The following MLPH variants were observed in gnomAD, a reference collection of about 807,000 sequenced individuals.
The protein encoded by MLPH is melanophilin, also known as exophilin-3.
In MLPH, 51 loss-of-function variants were observed where a neutral mutation model predicts 72.1. That is an observed-to-expected ratio of 0.71 (90% CI 0.56 to 0.89). The LOEUF (loss-of-function observed/expected upper bound fraction) is 0.89, where lower values mean the gene tolerates loss of function less well. Ranked by LOEUF, MLPH falls within the 40% of genes least tolerant of loss-of-function variation. The pLI is 0.00. For missense variants in MLPH, 743 were observed against 759.9 expected (o/e 0.98, Z 0.26); for synonymous variants, 301 against 310.1 (o/e 0.97, Z 0.31).
chr2:237,496,102 G>T (rs1281802185), intron 2 of MLPH, among the ~76,000 whole-genome samples: 2 of 152,226 alleles, frequency 1.3e-5, no homozygotes, highest in Admixed American at 6.5e-5. Context: ...GTTCTCATTA[G>T]TAGAACCCCC....
chr2:237,496,870 G>T lies in MLPH; in HGVS notation c.110+3334G>T, dbSNP rs555332124. On this transcript the variant is annotated intron_variant, in intron 2 of 15. Coordinates refer to ENST00000264605, the MANE Select transcript of MLPH (RefSeq NM_024101.7). ...GTCGAGAATACTGAATGCCCAAGTG[G>T]CATTGCTATGATGGGTCTTACTATG... Among the ~76,000 whole-genome samples the T allele has an allele frequency of 4.7e-4, 71 of 152,350 alleles. No individual in the cohort carries two copies. In the South Asian group the frequency reaches 0.015, roughly 31 times the overall value.
At chr2:237,504,118 C>T (rs1374278357) in intron 2 of MLPH, among the ~76,000 whole-genome samples, 3 of 152,228 alleles carry the variant, frequency 2.0e-5, no homozygotes, top group East Asian at 1.9e-4. Flanking sequence ...ACAATCCTGC[C>T]GACACCTTGA....
Position 237,541,107 on chromosome 2 carries a change from T to G in MLPH, c.1446+150T>G. On this transcript the variant is annotated intron_variant, in intron 11 of 15. Coordinates refer to ENST00000264605, the MANE Select transcript of MLPH (RefSeq NM_024101.7). This position sits in a 1 kb window ranked among gnomAD's most constrained non-coding sequence, Gnocchi z 5.1. ...CATGCACGGCTCTGAAGGCCAGGCA[T>G]GAACCTGGGGGTTTCTGGGGGACTC... is the stretch of plus-strand genomic sequence containing the variant. The G allele has an allele frequency of 9.0e-7, 1 of 1,112,746 alleles. No individual in the cohort carries two copies. Among genetic ancestry groups the G allele is most frequent in the Non-Finnish European group, 1.3e-6 (1 of 753,598 alleles). The allele number at this position is 1,112,746 out of a possible 1,614,324, so 68.9% of individuals were successfully genotyped here.
chr2:237,533,425 C>T (rs1369926847), intron 8 of MLPH, among the ~76,000 whole-genome samples: 1 of 114,132 alleles, frequency 8.8e-6, no homozygotes, highest in Non-Finnish European at 1.7e-5. Context: ...CAGAGTCTTG[C>T]TCTTGACACC....
rs71887544 is a variant in MLPH, at chr2:237,510,900, CGTGTGTGTGTGTGT to C, written c.333-77_333-64del. 6.1e-6 allele frequency: 8 copies of C among 1,319,558 alleles called. No individual in the cohort carries two copies. Among genetic ancestry groups the C allele is most frequent in the Non-Finnish European group, 8.6e-6 (8 of 926,368 alleles). 81.7% of individuals were successfully genotyped at this position (1,319,558 alleles called of 1,614,324 possible). A position where few individuals can be genotyped will look rare whatever the true frequency, so the allele number is the denominator to read the frequency against. On this transcript the variant is annotated intron_variant, in intron 3 of 15. Coordinates refer to ENST00000264605, the MANE Select transcript of MLPH (RefSeq NM_024101.7). The surrounding 1 kb of genome is among the most constrained non-coding windows in gnomAD (Gnocchi z 4.4). The stretch of plus-strand genomic sequence containing the variant: ...GGGTGGACGCACACATGCACACACT[CGTGTGTGTGTGTGT>C]GTGTGTGTGTGAGATTTATGCAGGC...
chr2:237,540,743 T>C (rs927044992), intron 10 of MLPH, 59 bp from the exon 11 acceptor site: 1 of 1,600,862 alleles, frequency 6.2e-7, no homozygotes, highest in African/African-American at 1.3e-5. Flanking sequence ...AGTCCCCATC[T>C]GGGTGAAACC....
At chr2:237,530,805 G>A (rs2080404660) in intron 8 of MLPH, among the ~76,000 whole-genome samples, 1 of 152,222 alleles carries the variant, frequency 6.6e-6, no homozygotes, top group East Asian at 1.9e-4. Flanking sequence ...ATCAGGGAGT[G>A]ACTGGCTTGG....
chr2:237,540,268 C>G (rs960149317), intron 9 of MLPH, 80 bp from the exon 10 acceptor site: 1 of 1,512,980 alleles, frequency 6.6e-7, no homozygotes, highest in Admixed American at 1.8e-5. Context: ...TGGGCCCTGG[C>G]CCATCTCCCA....
At chr2:237,497,963 C>T (rs911306769) in intron 2 of MLPH, among the ~76,000 whole-genome samples, 17 of 152,186 alleles carry the variant, frequency 1.1e-4, no homozygotes, top group African/African-American at 3.6e-4. Context: ...ATTCAGGAGC[C>T]GCCCAGCAGT....
chr2:237,517,209 G>GGGTA (rs760966926), intron 4 of MLPH, among the ~76,000 whole-genome samples: 3 of 151,620 alleles, frequency 2.0e-5, no homozygotes, highest in Non-Finnish European at 4.4e-5. Context: ...AGTGGTGGGT[G>GGGTA]GATGGATAGA....
intron 12 of MLPH, chr2:237,545,728 T>C: frequency 9.0e-7 from 1 of 1,115,596 alleles, no homozygotes; most frequent in Non-Finnish European, 1.1e-6. Flanking sequence ...GGCAAAAGAA[T>C]GAAAGATGAC....
rs558202118 is a variant in MLPH, at chr2:237,524,416, A to G, written c.676-1185A>G. Among the ~76,000 whole-genome samples, 10 of 151,788 alleles carry G rather than the reference A, an allele frequency of 6.6e-5. No individual in the cohort carries two copies. In the South Asian group the frequency reaches 1.9e-3, roughly 28 times the overall value. On this transcript the variant is annotated intron_variant, in intron 6 of 15. Coordinates refer to ENST00000264605, the MANE Select transcript of MLPH (RefSeq NM_024101.7). The stretch of plus-strand genomic sequence containing the variant: ...GCAGGGAGAGCCAGTCGGAGTCCCA[A>G]ACTGAAGAACTTGGAGTCCGATGTT...
rs2080129872 is a variant in MLPH at position 237,519,535 on chromosome 2, CG to C, written c.556-374del. Among the ~76,000 whole-genome samples, 11 of 152,338 alleles carry C rather than the reference CG, an allele frequency of 7.2e-5. No homozygotes were observed. In the South Asian group the frequency reaches 2.3e-3, roughly 32 times the overall value. On this transcript the variant is annotated intron_variant, in intron 5 of 15. Coordinates refer to ENST00000264605, the MANE Select transcript of MLPH (RefSeq NM_024101.7). Reference sequence around the variant, plus strand: ...GCCCACCTCTGTCTCACTCAGCCATCGTGCCCCGGCTATCCGAAGCCCCAGG... The same window carrying C: ...GCCCACCTCTGTCTCACTCAGCCATCTGCCCCGGCTATCCGAAGCCCCAGG...
At chr2:237,507,495 A>T (rs1321818343) in intron 2 of MLPH, 1 of 152,164 alleles carries the variant, frequency 6.6e-6, no homozygotes, top group Non-Finnish European at 1.5e-5. Context: ...CCCCTGTGTG[A>T]TTTTTGTAAC....
rs1021778414 is a variant in MLPH at position 237,540,393 on chromosome 2, G to A, written c.1150G>A (p.Ala384Thr). The part of the protein sequence containing the change: ...VRTEADVEEE[A>T]LRRKLEELTS... ...CACGGAGGCCGATGTAGAGGAGGAG[G>A]CCCTGAGGAGGAAGCTGGAGGAGCT... Residue 384 changes from alanine to threonine, a missense_variant, in exon 10 of 16, where the codon GCC (alanine) becomes ACC (threonine). Ala to Thr is a moderately conservative substitution (Grantham distance 58). Coordinates refer to ENST00000264605, the MANE Select transcript of MLPH (RefSeq NM_024101.7). The A allele has an allele frequency of 6.2e-7, 1 of 1,613,560 alleles. No individual in the cohort carries two copies. The highest frequency in any genetic ancestry group is 2.2e-5 in the East Asian group (1 of 44,868).
chr2:237,546,126 T>A (rs149910494), intron 12 of MLPH, among the ~76,000 whole-genome samples: 1 of 152,222 alleles, frequency 6.6e-6, no homozygotes, highest in Non-Finnish European at 1.5e-5. Context: ...CTGGTTGTAG[T>A]AGATAAGAGA....
chr2:237,527,079 G>A (rs761151176), intron 7 of MLPH, among the ~76,000 whole-genome samples: 5 of 152,136 alleles, frequency 3.3e-5, no homozygotes, highest in African/African-American at 4.8e-5. Context: ...GGAATCTGGT[G>A]TTATTTGCAA....
chr2:237,527,661 A>C, intron 8 of MLPH, 145 bp downstream of exon 8: 1 of 1,008,470 alleles, frequency 9.9e-7, no homozygotes, highest in Non-Finnish European at 1.5e-6. Context: ...GAGATACGTC[A>C]TCACAATATT....
rs1306521445 is a variant in MLPH at position 237,510,309 on chromosome 2, CT to C, written c.111-263del. On this transcript the variant is annotated intron_variant, in intron 2 of 15. Coordinates refer to ENST00000264605, the MANE Select transcript of MLPH (RefSeq NM_024101.7). The surrounding 1 kb of genome is among the most constrained non-coding windows in gnomAD (Gnocchi z 4.4). ...ACAATTGTAAACAGCCACAGAAATGCTTAAATGCAATATCATTTCTATGAAA... is the reference window on the plus strand; with the variant it reads ...ACAATTGTAAACAGCCACAGAAATGCTAAATGCAATATCATTTCTATGAAA... 1 of 533,408 alleles carries C rather than the reference CT, an allele frequency of 1.9e-6. No homozygotes were observed. The highest frequency in any genetic ancestry group is 1.9e-5 in the African/African-American group (1 of 52,536). 33.0% of individuals were successfully genotyped at this position (533,408 alleles called of 1,614,324 possible). A position where few individuals can be genotyped will look rare whatever the true frequency, so the allele number is the denominator to read the frequency against.
Sources: gnomAD v4.1 joint callset for allele counts (sites outside exome capture counted in the v4.1 genomes callset) on GRCh38, gnomAD v4.1.1 for gene constraint, Gnocchi (gnomAD v3.1) non-coding constraint, MANE v1.5 for transcripts, NCBI Gene and HGNC (gene_info 2026-07-23, HGNC 2026-07-21) for gene names.